The following PELI1 variants were observed in gnomAD, a reference collection of about 807,000 sequenced individuals.
PELI1 encodes pellino E3 ubiquitin protein ligase 1, also known as E3 ubiquitin-protein ligase pellino homolog 1.
PELI1 carries 15 observed loss-of-function variants against 41.3 expected under a neutral mutation model. The observed-to-expected ratio is 0.36, with a 90% confidence interval of 0.24 to 0.56. PELI1 has a LOEUF of 0.56. Ranked by LOEUF, PELI1 falls within the 20% of genes least tolerant of loss-of-function variation. PELI1 has a pLI of 0.82. For synonymous variants in PELI1, 178 were observed against 180.1 expected, an observed-to-expected ratio of 0.99 and a Z score of 0.09; for missense variants, 403 against 525.5, an observed-to-expected ratio of 0.77 and a Z score of 2.28.
chr2:64,099,977 T>C (rs1254281475), intron 4 of PELI1, among the ~76,000 whole-genome samples: 1 of 152,088 alleles, frequency 6.6e-6, no homozygotes, highest in Non-Finnish European at 1.5e-5. Flanking sequence ...GAGAGGAAGG[T>C]GGGAGGTAGT....
At chr2:64,103,702 G>A (rs1417265520) in intron 3 of PELI1, among the ~76,000 whole-genome samples, 1 of 152,172 alleles carries the variant, frequency 6.6e-6, no homozygotes, top group Non-Finnish European at 1.5e-5. Context: ...AAGCTGAAAA[G>A]CCAATTACCT....
intron 3 of PELI1, among the ~76,000 whole-genome samples, chr2:64,101,314 T>G (rs1415458015): frequency 7.1e-6 from 1 of 141,734 alleles, no homozygotes; most frequent in Non-Finnish European, 1.5e-5. Flanking sequence ...TCCCAGGAGA[T>G]AAAAGAAAAA....
intron 1 of PELI1, among the ~76,000 whole-genome samples, chr2:64,121,164 A>T (rs1396079546): frequency 6.6e-6 from 1 of 152,218 alleles, no homozygotes; most frequent in Non-Finnish European, 1.5e-5. Context: ...CAGGAAACAT[A>T]CCTGCAAAAA....
At chr2:64,117,454 T>C (rs1681036562) in intron 1 of PELI1, among the ~76,000 whole-genome samples, 1 of 151,948 alleles carries the variant, frequency 6.6e-6, no homozygotes, top group Non-Finnish European at 1.5e-5. Flanking sequence ...AAATGTTTGA[T>C]TCTCCATGGG....
intron 3 of PELI1, among the ~76,000 whole-genome samples, chr2:64,101,824 ATTTTTTTT>A (rs34370706): frequency 2.5e-5 from 3 of 121,126 alleles, no homozygotes; most frequent in Non-Finnish European, 5.0e-5. Context: ...TTTGCTTCTG[ATTTTTTTT>A]TTTTTTTTTT....
intron 1 of PELI1, among the ~76,000 whole-genome samples, chr2:64,130,124 CT>C (rs1345287619): frequency 9.2e-5 from 14 of 152,130 alleles, no homozygotes; most frequent in African/African-American, 3.4e-4. Context: ...TTCTTCCCAA[CT>C]TTTCCCCCCA....
rs773818352 is a variant in PELI1, at chr2:64,104,806, G to T, written c.96C>A (p.Gly32=). 12 of 1,611,782 alleles carry T rather than the reference G, an allele frequency of 7.4e-6. No individual in the cohort carries two copies. The South Asian group carries it at 1.3e-4, about 18-fold the overall frequency. Residue 32 remains glycine, a synonymous_variant, in exon 3 of 7, where the codon GGC becomes GGA. Transcript: ENST00000358912. The part of the protein sequence containing the change: ...VLGYNGSLPN[G]DRGRRKSRFA... The stretch of plus-strand genomic sequence containing the variant: ...ACCTACTTTTCCTCCTTCCTCTATC[G>T]CCATTTGGGAGAGACCCATTATACC...
chr2:64,136,085 G>A lies in PELI1; in HGVS notation c.-70+7996C>T, dbSNP rs1576103927. On this transcript the variant is annotated intron_variant, in intron 1 of 6. Coordinates refer to ENST00000358912, the MANE Select transcript of PELI1 (RefSeq NM_020651.4). ...AAATGGAAATGAAAAACAGATTCAT[G>A]ATCTTACCAGCAAATCAACAGCCTG... is the stretch of plus-strand genomic sequence containing the variant. Among the ~76,000 whole-genome samples the A allele has an allele frequency of 3.9e-5, 6 of 152,188 alleles. 1 individual carries two copies. The South Asian group carries it at 1.2e-3, about 32-fold the overall frequency.
chr2:64,134,093 C>G (rs997723055), intron 1 of PELI1, among the ~76,000 whole-genome samples: 1 of 152,014 alleles, frequency 6.6e-6, no homozygotes, highest in Non-Finnish European at 1.5e-5. Context: ...AATGAGGGGG[C>G]CTACTGAATC....
chr2:64,110,348 C>G (rs1680772375), intron 1 of PELI1, among the ~76,000 whole-genome samples: 1 of 151,196 alleles, frequency 6.6e-6, no homozygotes, highest in South Asian at 2.1e-4. Context: ...GAGTTCTCAT[C>G]AGAAACCACA....
intron 3 of PELI1, among the ~76,000 whole-genome samples, chr2:64,103,042 C>T (rs1355186101): frequency 6.6e-6 from 1 of 151,866 alleles, no homozygotes; most frequent in Non-Finnish European, 1.5e-5. Context: ...GGAGTTTCAC[C>T]ATGTTGCCCA....
intron 1 of PELI1, among the ~76,000 whole-genome samples, chr2:64,113,659 T>C (rs1680898365): frequency 6.6e-6 from 1 of 152,192 alleles, no homozygotes; most frequent in Non-Finnish European, 1.5e-5. Flanking sequence ...TCTGGAATAG[T>C]GTTATTTTCT....
chr2:64,134,286 ATCT>A (rs973945166), intron 1 of PELI1, among the ~76,000 whole-genome samples: 50 of 152,116 alleles, frequency 3.3e-4, no homozygotes, highest in African/African-American at 1.1e-3. Context: ...GCAAAATCTG[ATCT>A]TCTTTTTGTT....
chr2:64,138,115 T>G (rs976992166), intron 1 of PELI1, among the ~76,000 whole-genome samples: 1 of 152,114 alleles, frequency 6.6e-6, no homozygotes, highest in African/African-American at 2.4e-5. Context: ...TTTGTTTTGT[T>G]TTTTTTAGAC....
chr2:64,110,878 A>G (rs1191562244), intron 1 of PELI1, among the ~76,000 whole-genome samples: 2 of 152,002 alleles, frequency 1.3e-5, no homozygotes. Context: ...GTGAACCCAG[A>G]TCGCACCACT....
chr2:64,129,952 T>G (rs1490834797), intron 1 of PELI1, among the ~76,000 whole-genome samples: 3 of 152,260 alleles, frequency 2.0e-5, no homozygotes, highest in African/African-American at 4.8e-5. Flanking sequence ...AGACACAATG[T>G]AATTTTTGTT....
chr2:64,108,021 G>C (rs1278883132), intron 2 of PELI1, among the ~76,000 whole-genome samples: 2 of 152,192 alleles, frequency 1.3e-5, no homozygotes, highest in Admixed American at 1.3e-4. Context: ...CTGTGGGTAA[G>C]GGTGAGACAA....
At chr2:64,108,167 G>A in intron 2 of PELI1, 73 bp downstream of exon 2, 3 of 787,748 alleles carry the variant, frequency 3.8e-6, no homozygotes, top group Non-Finnish European at 6.4e-6. Flanking sequence ...AAAAAAAAAA[G>A]TACTTTTAGC....
intron 4 of PELI1, among the ~76,000 whole-genome samples, chr2:64,097,491 C>CA (rs1425612720): frequency 2.6e-5 from 4 of 151,948 alleles, no homozygotes; most frequent in African/African-American, 9.7e-5. Context: ...AGTGAGGTGT[C>CA]AGAGATTTAA....
Sources: gnomAD v4.1 joint callset for allele counts (sites outside exome capture counted in the v4.1 genomes callset) on GRCh38, gnomAD v4.1.1 for gene constraint, MANE v1.5 for transcripts, NCBI Gene and HGNC (gene_info 2026-07-23, HGNC 2026-07-21) for gene names.